Variants in PTPRO observed in about 807,000 individuals in gnomAD.
PTPRO encodes protein tyrosine phosphatase receptor type O.
Under a neutral mutation model 145.2 loss-of-function variants are expected in PTPRO, and 62 were observed. That is an observed-to-expected ratio of 0.43 (90% CI 0.35 to 0.53). The LOEUF is 0.53. Ranked by LOEUF, PTPRO falls within the 20% of genes least tolerant of loss-of-function variation. The probability of loss-of-function intolerance (pLI) is 0.01; values close to 1 mark genes in which losing one functional copy is unlikely to be tolerated. For missense variants in PTPRO, 1,345 were observed against 1,482.7 expected (o/e 0.91, Z 1.53); for synonymous variants, 565 against 514.7 (o/e 1.10, Z -1.32).
chr12:15,595,262 G>A (rs772552639), intron 26 of PTPRO: 82 of 542,506 alleles, frequency 1.5e-4, no homozygotes, highest in Non-Finnish European at 2.5e-4. Context: ...CACCTTGGTT[G>A]GTGTTGGCAA....
chr12:15,519,785 T>C (rs1942675415), intron 9 of PTPRO, among the ~76,000 whole-genome samples: 1 of 152,186 alleles, frequency 6.6e-6, no homozygotes. Context: ...AAGTACACAA[T>C]TACCCTCTAC....
At chr12:15,481,109 T>C (rs1257355760) in intron 1 of PTPRO, among the ~76,000 whole-genome samples, 1 of 152,234 alleles carries the variant, frequency 6.6e-6, no homozygotes, top group East Asian at 1.9e-4. Flanking sequence ...ATTAAATACC[T>C]TTTCTGTTCT....
At chr12:15,473,417 G>A (rs984829123) in intron 1 of PTPRO, among the ~76,000 whole-genome samples, 12 of 152,112 alleles carry the variant, frequency 7.9e-5, no homozygotes, top group Non-Finnish European at 1.0e-4. Flanking sequence ...TCCGGTGAAC[G>A]TAATTACCGA....
intron 10 of PTPRO, among the ~76,000 whole-genome samples, chr12:15,520,890 T>C (rs1312343468): frequency 6.6e-6 from 1 of 152,212 alleles, no homozygotes; most frequent in Non-Finnish European, 1.5e-5. Context: ...TTATCTGTTA[T>C]TATTTATTAC....
chr12:15,392,740 A>AAAG lies in PTPRO; in HGVS notation c.75+69945_75+69947dup, dbSNP rs1591770372. Among the ~76,000 whole-genome samples, 6 of 149,432 alleles carry AAAG rather than the reference A, an allele frequency of 4.0e-5. No homozygotes were observed. The East Asian group carries it at 7.9e-4, about 20-fold the overall frequency. ...TGTCTCAAAAAAAAAAAAAAAAAAA[A>AAAG]AAGAAGAAAAAAGAAGGGGAGCCCT... On this transcript the variant is annotated intron_variant, in intron 1 of 26. Coordinates refer to ENST00000281171, the MANE Select transcript of PTPRO (RefSeq NM_030667.3).
At chr12:15,334,094 T>C (rs949575239) in intron 1 of PTPRO, among the ~76,000 whole-genome samples, 4 of 152,216 alleles carry the variant, frequency 2.6e-5, no homozygotes, top group Non-Finnish European at 5.9e-5. Flanking sequence ...AGATTGTCTC[T>C]AGACCTCAAA....
At position 15,508,610 on chromosome 12, in the gene PTPRO, C is replaced by T. The variant is rs376051572; in HGVS notation, c.1307C>T (p.Pro436Leu). The change falls in exon 7 of 27, where the codon CCG (proline) becomes CTG (leucine). Residue 436 changes from proline (P) to leucine (L), a missense_variant. This residue lies in a region of PTPRO where 1,130 missense variants were observed against 1,214.7 expected (regional missense o/e 0.93). Coordinates refer to ENST00000281171, the MANE Select transcript of PTPRO (RefSeq NM_030667.3). ...TGGATTGAAGAACTGACCGAGAAGC[C>T]GCAGCACGTGAGTGTCCACGTTTTA... The part of the protein sequence containing the change: ...GEWIEELTEK[P>L]QHVSVHVLSS... 3.1e-6 allele frequency: 5 copies of T among 1,613,904 alleles called. No homozygotes were observed. The highest frequency in any genetic ancestry group is 1.6e-4 in the Middle Eastern group (1 of 6,076).
intron 9 of PTPRO, among the ~76,000 whole-genome samples, chr12:15,519,820 C>G (rs1053595779): frequency 2.0e-5 from 3 of 152,188 alleles, no homozygotes; most frequent in African/African-American, 7.2e-5. Flanking sequence ...TGAAGGACTC[C>G]TGTTCGTGGT....
intron 1 of PTPRO, among the ~76,000 whole-genome samples, chr12:15,342,300 CT>C (rs1260661996): frequency 6.6e-6 from 1 of 152,122 alleles, no homozygotes; most frequent in Non-Finnish European, 1.5e-5. Flanking sequence ...CCAGATCATT[CT>C]CATTAAAAAT....
chr12:15,352,661 AAAAAAAAG>A (rs769093204), intron 1 of PTPRO, among the ~76,000 whole-genome samples: 124 of 95,194 alleles, frequency 1.3e-3, no homozygotes, highest in Admixed American at 3.4e-3. Flanking sequence ...AAAAAAAAAA[AAAAAAAAG>A]AAAGAAAGAA....
intron 18 of PTPRO, among the ~76,000 whole-genome samples, chr12:15,568,189 G>A (rs560573384): frequency 1.3e-5 from 2 of 152,224 alleles, no homozygotes; most frequent in Non-Finnish European, 2.9e-5. Context: ...CAGCACTTTG[G>A]GAGGCTGAGG....
intron 1 of PTPRO, among the ~76,000 whole-genome samples, chr12:15,427,488 GT>G (rs1255366379): frequency 6.6e-6 from 1 of 151,464 alleles, no homozygotes; most frequent in African/African-American, 2.4e-5. Flanking sequence ...AATTCTAGTG[GT>G]TTTTTAATTA....
At chr12:15,375,913 A>G (rs1938673487) in intron 1 of PTPRO, among the ~76,000 whole-genome samples, 1 of 152,194 alleles carries the variant, frequency 6.6e-6, no homozygotes. Context: ...AAGAAAGGTT[A>G]GTGAACTTTA....
chr12:15,483,139 C>T (rs758084294), intron 1 of PTPRO, among the ~76,000 whole-genome samples: 8 of 152,068 alleles, frequency 5.3e-5, no homozygotes, highest in Non-Finnish European at 1.0e-4. Flanking sequence ...CGGGACACTA[C>T]ATACCTAGAA....
At chr12:15,416,325 C>T (rs377065502) in intron 1 of PTPRO, among the ~76,000 whole-genome samples, 3 of 143,676 alleles carry the variant, frequency 2.1e-5, no homozygotes, top group African/African-American at 2.7e-5. Context: ...CTCTCTCTTT[C>T]TTTTTTTTTT....
chr12:15,379,014 GA>G (rs1447348849), intron 1 of PTPRO, among the ~76,000 whole-genome samples: 2 of 152,144 alleles, frequency 1.3e-5, no homozygotes, highest in East Asian at 3.9e-4. Context: ...CTATGATAAA[GA>G]AAAATAGACA....
In PTPRO at chr12:15,524,843, G is replaced by T; in HGVS notation, c.1921G>T (p.Glu641Ter). 2 of 1,613,672 alleles carry T rather than the reference G, an allele frequency of 1.2e-6. No homozygotes were observed. The change falls in exon 11 of 27, where the codon GAA becomes TAA. Residue 641 changes from glutamate to a stop codon, truncating the protein, a stop_gained. Coordinates refer to ENST00000281171, the MANE Select transcript of PTPRO (RefSeq NM_030667.3). LOFTEE classifies it high-confidence loss of function. ...AGTGGCTCCGGAAATCACTTCTGTG[G>T]AATATTTCAACAGTCTGTTATATAT... ...APVAPEITSV[E>*]YFNSLLYISW... is the part of the protein sequence containing the mutation.
intron 25 of PTPRO, among the ~76,000 whole-genome samples, chr12:15,594,130 T>C (rs4764213): frequency 0.98 from 149,296 of 152,156 alleles, 73,312 homozygotes; most frequent in East Asian, 1. Context: ...ATTTTTCTTT[T>C]CCAGTTTGTG....
At position 15,373,133 on chromosome 12, in the gene PTPRO, A is replaced by G. The variant is rs150372760; in HGVS notation, c.75+50332A>G. ...ATTACAGTACCGATGAGATGCTGTTACCATATTTAGAGCCATAACTAAAAT... is the reference window on the plus strand; with the variant it reads ...ATTACAGTACCGATGAGATGCTGTTGCCATATTTAGAGCCATAACTAAAAT... On this transcript the variant is annotated intron_variant, in intron 1 of 26. Coordinates refer to ENST00000281171, the MANE Select transcript of PTPRO (RefSeq NM_030667.3). Among the ~76,000 whole-genome samples the G allele has an allele frequency of 6.7e-4, 102 of 152,362 alleles. 1 individual carries two copies. Among genetic ancestry groups the G allele is most frequent in the African/African-American group, 2.4e-3 (101 of 41,586 alleles).
Sources: gnomAD v4.1 joint callset for allele counts (sites outside exome capture counted in the v4.1 genomes callset) on GRCh38, gnomAD v4.1.1 for gene constraint, gnomAD v4.1.1 regional missense constraint, MANE v1.5 for transcripts, NCBI Gene and HGNC (gene_info 2026-07-23, HGNC 2026-07-21) for gene names.